CD300E: variants seen among roughly 807,000 people sequenced by gnomAD.
The protein encoded by CD300E is CMRF35-like molecule 2.
In CD300E, 14 loss-of-function variants were observed where a neutral mutation model predicts 20.9. The observed-to-expected ratio is 0.67, with a 90% CI of 0.44 to 1.05. CD300E has a LOEUF of 1.05. CD300E is among the 50% of genes least tolerant of loss of function. The pLI, the probability that CD300E is intolerant of heterozygous loss-of-function variation, is 0.00. For missense variants in CD300E, 237 were observed against 253.9 expected (o/e 0.93, Z 0.45); for synonymous variants, 102 against 103.7 (o/e 0.98, Z 0.10).
intron 2 of CD300E, 66 bp from the exon 3 acceptor site, chr17:74,614,099 T>C: frequency 1.6e-6 from 2 of 1,213,764 alleles, no homozygotes; most frequent in Non-Finnish European, 2.4e-6. Context: ...AACACCCGTA[T>C]GGATGTCATA....
intron 1 of CD300E, among the ~76,000 whole-genome samples, chr17:74,622,740 A>ATT (rs61015443): frequency 0.32 from 47,974 of 149,584 alleles, 8,868 homozygotes; most frequent in Non-Finnish European, 0.42. Context: ...TGAGGATGGC[A>ATT]TTTTTTTTTT....
intron 1 of CD300E, among the ~76,000 whole-genome samples, chr17:74,618,011 C>T (rs995135676): frequency 4.6e-5 from 7 of 152,204 alleles, no homozygotes; most frequent in African/African-American, 4.8e-5. Flanking sequence ...AGCTTCTTTA[C>T]CTGAATTTGG....
rs770253632 is a variant in CD300E at position 74,617,482 on chromosome 17, C to T, written c.41-17G>A. 2.5e-6 allele frequency: 4 copies of T among 1,598,498 alleles called. No individual in the cohort carries two copies. In the South Asian group the frequency reaches 3.3e-5, roughly 13 times the overall value. Reference sequence around the variant, plus strand: ...ACAAACAGCCTGGAAAACACAAGCCCGAGTCCCAAGTCTCCATCCAGATGG... The same window carrying T: ...ACAAACAGCCTGGAAAACACAAGCCTGAGTCCCAAGTCTCCATCCAGATGG... On this transcript the variant is annotated splice_polypyrimidine_tract_variant and intron_variant, in intron 1 of 3. Coordinates refer to ENST00000392619, the MANE Select transcript of CD300E (RefSeq NM_181449.3).
chr17:74,623,512 C>T, intron 1 of CD300E, 70 bp downstream of exon 1: 1 of 1,515,718 alleles, frequency 6.6e-7, no homozygotes, highest in Non-Finnish European at 9.1e-7. Flanking sequence ...GGTTTGAACC[C>T]AGGACAGCTC....
At position 74,613,945 on chromosome 17, in the gene CD300E, C is replaced by T. The variant is rs142074234; in HGVS notation, c.477G>A (p.Glu159=). ...VNPGRNLSTG[E]VLTQNSGFRL... is the part of the protein sequence containing the mutation. Reference sequence around the variant, plus strand: ...CTTACCCTGAATTTTGGGTCAACACCTCCCCGGTGCTGAGGTTTCGCCCAG... The same window carrying T: ...CTTACCCTGAATTTTGGGTCAACACTTCCCCGGTGCTGAGGTTTCGCCCAG... The change falls in exon 3 of 4, where the codon GAG becomes GAA. Residue 159 remains glutamate, a synonymous_variant. Coordinates refer to ENST00000392619, the MANE Select transcript of CD300E (RefSeq NM_181449.3). The T allele has an allele frequency of 7.7e-5, 125 of 1,613,644 alleles. No homozygotes were observed. The African/African-American group carries it at 1.5e-3, about 19-fold the overall frequency.
chr17:74,615,917 C>T (rs922366569), intron 2 of CD300E, among the ~76,000 whole-genome samples: 6 of 152,072 alleles, frequency 3.9e-5, no homozygotes, highest in Non-Finnish European at 5.9e-5. Flanking sequence ...AAGATGCTGT[C>T]TCTACTAAAA....
At chr17:74,622,821 T>C (rs2031049293) in intron 1 of CD300E, among the ~76,000 whole-genome samples, 1 of 151,916 alleles carries the variant, frequency 6.6e-6, no homozygotes, top group Admixed American at 6.6e-5. Flanking sequence ...CACTGCAACC[T>C]CCGCCTCCCA....
At chr17:74,619,172 C>T (rs1335700245) in intron 1 of CD300E, 1 of 470,278 alleles carries the variant, frequency 2.1e-6, no homozygotes, top group African/African-American at 2.0e-5. Context: ...AGGTTCTGGA[C>T]AGAGCTCAGG....
At chr17:74,619,230 A>G in intron 1 of CD300E, 2 of 449,416 alleles carry the variant, frequency 4.5e-6, no homozygotes, top group South Asian at 3.2e-5. Context: ...AGGGCTTGTC[A>G]CAGCCAAGAG....
At position 74,619,267 on chromosome 17, in the gene CD300E, G is replaced by A. The variant is rs188162065; in HGVS notation, c.41-1802C>T. The A allele has an allele frequency of 4.2e-5, 17 of 407,894 alleles. No individual in the cohort carries two copies. In the Middle Eastern group the frequency reaches 2.1e-3, roughly 51 times the overall value. 25.3% of individuals were successfully genotyped at this position (407,894 alleles called of 1,614,324 possible). ...CTGGTGATGGAGCCGGGGCCTGCTT[G>A]TGCTGCTTCCTAAAGGGATCCTTGC... is the stretch of plus-strand genomic sequence containing the variant. On this transcript the variant is annotated intron_variant, in intron 1 of 3. Transcript: ENST00000392619.
At chr17:74,613,871 C>A in intron 3 of CD300E, 54 bp downstream of exon 3, 1 of 1,251,486 alleles carries the variant, frequency 8.0e-7, no homozygotes, top group East Asian at 2.4e-5. Context: ...CCCCACCCCC[C>A]AGCTTCCACC....
rs1459019179 is a variant in CD300E at position 74,617,304 on chromosome 17, C to T, written c.202G>A (p.Glu68Lys). ...CESIVETKGEEKVERNGRVSI... is the reference protein window; with the variant it reads ...CESIVETKGEKKVERNGRVSI... Reference sequence around the variant, plus strand: ...ACGCGGCCATTCCTCTCCACCTTCTCTTCTCCCTTGGTCTCCACAATGCTC... The same window carrying T: ...ACGCGGCCATTCCTCTCCACCTTCTTTTCTCCCTTGGTCTCCACAATGCTC... The change falls in exon 2 of 4, where the codon GAG (glutamate) becomes AAG (lysine). Residue 68 changes from glutamate to lysine, a missense_variant. Glu to Lys is a moderately conservative substitution (Grantham distance 56). Coordinates refer to ENST00000392619, the MANE Select transcript of CD300E (RefSeq NM_181449.3). The T allele has an allele frequency of 1.9e-6, 3 of 1,614,110 alleles. No homozygotes were observed. The highest frequency in any genetic ancestry group is 2.7e-5 in the African/African-American group (2 of 74,930).
chr17:74,616,977 C>A (rs1325664081), intron 2 of CD300E, 141 bp downstream of exon 2: 6 of 738,532 alleles, frequency 8.1e-6, no homozygotes, highest in Non-Finnish European at 1.4e-5. Flanking sequence ...TCTCTCCATG[C>A]CCATGCCATA....
chr17:74,617,466 C>T lies in CD300E; in HGVS notation c.41-1G>A, dbSNP rs1454116431. The T allele has an allele frequency of 1.2e-6, 2 of 1,609,858 alleles. No homozygotes were observed. The highest frequency in any genetic ancestry group is 1.7e-6 in the Non-Finnish European group (2 of 1,178,522). The stretch of plus-strand genomic sequence containing the variant: ...CCGGGGCCCTTCAGAGACAAACAGC[C>T]TGGAAAACACAAGCCCGAGTCCCAA... On this transcript the variant is annotated splice_acceptor_variant, in intron 1 of 3. Transcript: ENST00000392619. LOFTEE classifies it high-confidence loss of function.
chr17:74,621,114 C>T (rs1329602218), intron 1 of CD300E, among the ~76,000 whole-genome samples: 1 of 152,008 alleles, frequency 6.6e-6, no homozygotes, highest in Non-Finnish European at 1.5e-5. Context: ...AATCACAGAC[C>T]CTCAGATGTA....
intron 3 of CD300E, 104 bp from the exon 4 acceptor site, chr17:74,612,877 A>T: frequency 1.4e-6 from 2 of 1,471,506 alleles, no homozygotes; most frequent in South Asian, 2.6e-5. Flanking sequence ...CAAATAACCC[A>T]GGAGCAGCCA....
chr17:74,616,058 T>C (rs2030892700), intron 2 of CD300E, among the ~76,000 whole-genome samples: 1 of 152,138 alleles, frequency 6.6e-6, no homozygotes. Flanking sequence ...CACTCCAGCC[T>C]GGGCAACAGA....
chr17:74,610,316 C>G lies in CD300E; in HGVS notation c.*2337G>C, dbSNP rs1482854140. ...TGCCCCGAGGGCTCTGTCCTTGGTT[C>G]TGAACTCTTCCCTCCATGTTTTCAC... On this transcript the variant is annotated 3_prime_UTR_variant, in exon 4 of 4. Coordinates refer to ENST00000392619, the MANE Select transcript of CD300E (RefSeq NM_181449.3). 6.6e-6 allele frequency: 1 copy of G among 152,444 alleles called. No homozygotes were observed. The highest frequency in any genetic ancestry group is 1.5e-5 in the Non-Finnish European group (1 of 68,224). 9.4% of individuals were successfully genotyped at this position (152,444 alleles called of 1,614,324 possible).
intron 2 of CD300E, 151 bp downstream of exon 2, chr17:74,616,967 T>G: frequency 2.9e-6 from 2 of 701,124 alleles, no homozygotes; most frequent in Non-Finnish European, 4.9e-6. Flanking sequence ...ATCAGCCGCC[T>G]CTCTCCATGC....
Sources: gnomAD v4.1 joint callset for allele counts (sites outside exome capture counted in the v4.1 genomes callset) on GRCh38, gnomAD v4.1.1 for gene constraint, MANE v1.5 for transcripts, NCBI Gene and HGNC (gene_info 2026-07-23, HGNC 2026-07-21) for gene names.